The following SCN11A variants were observed in gnomAD, a reference collection of about 807,000 sequenced individuals.
The protein encoded by SCN11A is sodium channel protein type 11 subunit alpha.
SCN11A carries 122 observed loss-of-function variants against 162.2 expected under a neutral mutation model. The observed-to-expected ratio is 0.75, with a 90% CI of 0.65 to 0.87. The LOEUF (loss-of-function observed/expected upper bound fraction) is 0.87. Ranked by LOEUF, SCN11A falls within the 40% of genes least tolerant of loss-of-function variation. The pLI is 0.00. For missense variants in SCN11A, 2,015 were observed against 2,181.6 expected (o/e 0.92, Z 1.52); for synonymous variants, 758 against 751.5 (o/e 1.01, Z -0.14).
intron 27 of SCN11A, among the ~76,000 whole-genome samples, chr3:38,866,140 A>T (rs1207764100): frequency 6.6e-6 from 1 of 152,152 alleles, no homozygotes; most frequent in Admixed American, 6.6e-5. Flanking sequence ...ATGTCCAAAG[A>T]GGGGAATGAT....
chr3:38,907,918 T>C lies in SCN11A; in HGVS notation c.1473+31A>G, dbSNP rs145418857. The C allele has an allele frequency of 7.8e-4, 1,219 of 1,566,670 alleles. 6 individuals are homozygous for C. The African/African-American group carries it at 0.013, about 17-fold the overall frequency. ...GGACCTGTCCCCCTGGACAGCAATATGGTATCATTAATTCCCTGGAAAAGA... is the reference window on the plus strand; with the variant it reads ...GGACCTGTCCCCCTGGACAGCAATACGGTATCATTAATTCCCTGGAAAAGA... On this transcript the variant is annotated intron_variant, in intron 14 of 29. Coordinates refer to ENST00000302328, the MANE Select transcript of SCN11A (RefSeq NM_001349253.2).
chr3:39,003,682 C>CCAG (rs1480190638), intron 2 of SCN11A, among the ~76,000 whole-genome samples: 5 of 152,210 alleles, frequency 3.3e-5, no homozygotes, highest in Non-Finnish European at 7.3e-5. Flanking sequence ...CACAACCTCA[C>CCAG]CAGCATCTGT....
intron 2 of SCN11A, among the ~76,000 whole-genome samples, chr3:38,966,112 T>C (rs1392174551): frequency 6.6e-6 from 1 of 152,244 alleles, no homozygotes. Context: ...GTTGCAGCGC[T>C]GGTGAAATTC....
chr3:38,981,779 C>T (rs1020459903), intron 2 of SCN11A, among the ~76,000 whole-genome samples: 4 of 152,040 alleles, frequency 2.6e-5, no homozygotes, highest in South Asian at 4.2e-4. Flanking sequence ...CTGAGGCAGG[C>T]GGATCACCTG....
chr3:39,030,176 G>A (rs2031710818), intron 2 of SCN11A, among the ~76,000 whole-genome samples: 1 of 152,196 alleles, frequency 6.6e-6, no homozygotes, highest in African/African-American at 2.4e-5. Context: ...GCATGGCGAG[G>A]AGAAGCCAAT....
intron 11 of SCN11A, among the ~76,000 whole-genome samples, chr3:38,916,113 T>C (rs1373390604): frequency 3.3e-5 from 5 of 152,226 alleles, no homozygotes; most frequent in Admixed American, 1.3e-4. Context: ...TGTCTGAAAT[T>C]AAGATTGCAA....
At chr3:39,008,058 G>A (rs1293172002) in intron 2 of SCN11A, among the ~76,000 whole-genome samples, 1 of 149,762 alleles carries the variant, frequency 6.7e-6, no homozygotes, top group Non-Finnish European at 1.5e-5. Flanking sequence ...GCTCGGTGTG[G>A]GAAATCTACA....
intron 2 of SCN11A, among the ~76,000 whole-genome samples, chr3:39,011,003 C>T (rs1218911933): frequency 6.6e-6 from 1 of 152,132 alleles, no homozygotes; most frequent in Non-Finnish European, 1.5e-5. Context: ...GCCACTTACT[C>T]CCCTTGTTGC....
chr3:38,979,662 A>G (rs1285803163), intron 2 of SCN11A, among the ~76,000 whole-genome samples: 5 of 152,242 alleles, frequency 3.3e-5, no homozygotes, highest in African/African-American at 9.6e-5. Flanking sequence ...TTCTCTGCCA[A>G]GTCTGCATAG....
intron 7 of SCN11A, among the ~76,000 whole-genome samples, chr3:38,927,525 T>C (rs911794000): frequency 6.6e-6 from 1 of 152,074 alleles, no homozygotes; most frequent in Admixed American, 6.5e-5. Context: ...AAAAACAAAT[T>C]GTGAGGTCTC....
At chr3:38,917,645 T>C (rs1443077691) in intron 11 of SCN11A, among the ~76,000 whole-genome samples, 2 of 152,060 alleles carry the variant, frequency 1.3e-5, no homozygotes, top group South Asian at 2.1e-4. Context: ...TGGAGAACAA[T>C]AGATACTGGG....
intron 27 of SCN11A, 138 bp downstream of exon 27, chr3:38,867,183 A>C: frequency 2.7e-6 from 2 of 737,348 alleles, no homozygotes; most frequent in Non-Finnish European, 4.4e-6. Context: ...CTCCAGGCAG[A>C]CATGGGAGGC....
chr3:38,979,261 T>C (rs1380114649), intron 2 of SCN11A, among the ~76,000 whole-genome samples: 2 of 152,248 alleles, frequency 1.3e-5, no homozygotes, highest in Non-Finnish European at 2.9e-5. Context: ...ATTTTTGAAA[T>C]CTAAGTAGTA....
At chr3:38,905,737 T>C (rs2065782710) in intron 14 of SCN11A, among the ~76,000 whole-genome samples, 1 of 152,196 alleles carries the variant, frequency 6.6e-6, no homozygotes, top group Non-Finnish European at 1.5e-5. Context: ...GGAGCCAGAT[T>C]GTGAAGTGCT....
intron 7 of SCN11A, among the ~76,000 whole-genome samples, chr3:38,934,815 T>C (rs1158783337): frequency 6.6e-6 from 1 of 151,988 alleles, no homozygotes; most frequent in African/African-American, 2.4e-5. Context: ...CTTAGACAGA[T>C]CAACGAGACA....
chr3:38,882,462 T>C (rs1004469337), intron 22 of SCN11A, among the ~76,000 whole-genome samples: 1 of 152,178 alleles, frequency 6.6e-6, no homozygotes, highest in African/African-American at 2.4e-5. Context: ...TGGTTCCCTA[T>C]TATTTAGCTC....
chr3:38,857,218 A>C (rs1030518586), intron 28 of SCN11A, among the ~76,000 whole-genome samples: 4 of 152,150 alleles, frequency 2.6e-5, no homozygotes, highest in Non-Finnish European at 5.9e-5. Context: ...AGGAGATACC[A>C]AAGAAAGGTG....
chr3:38,963,650 T>C (rs1313191919), intron 2 of SCN11A, among the ~76,000 whole-genome samples: 1 of 151,906 alleles, frequency 6.6e-6, no homozygotes, highest in African/African-American at 2.4e-5. Context: ...TCGTATGTTC[T>C]CACCGATATG....
chr3:38,954,743 C>T (rs2066661086), intron 3 of SCN11A, among the ~76,000 whole-genome samples: 1 of 152,168 alleles, frequency 6.6e-6, no homozygotes, highest in Admixed American at 6.5e-5. Context: ...AATCCTAACA[C>T]TGTGGGAGGC....
Sources: gnomAD v4.1 joint callset for allele counts (sites outside exome capture counted in the v4.1 genomes callset) on GRCh38, gnomAD v4.1.1 for gene constraint, MANE v1.5 for transcripts, NCBI Gene and HGNC (gene_info 2026-07-23, HGNC 2026-07-21) for gene names.